PTGER3: variants seen among roughly 807,000 people sequenced by gnomAD.
The protein encoded by PTGER3 is prostaglandin E receptor 3, also known as prostaglandin E2 receptor EP3 subtype.
In PTGER3, 22 loss-of-function variants were observed where a neutral mutation model predicts 34.7. The ratio of observed to expected loss-of-function variants is 0.63; its 90% CI spans 0.45 to 0.91. The LOEUF (loss-of-function observed/expected upper bound fraction) is 0.91, where lower values mean the gene tolerates loss of function less well. Among genes scored for constraint, PTGER3 ranks in the 40% least tolerant of loss-of-function variants. PTGER3 has a pLI of 0.00. For missense variants in PTGER3, 468 were observed against 519.4 expected, an observed-to-expected ratio of 0.90 and a Z score of 0.96; for synonymous variants, 241 against 230.1, an observed-to-expected ratio of 1.05 and a Z score of -0.43.
At chr1:70,968,065 C>A (rs891820004), downstream of PTGER3, among the ~76,000 whole-genome samples, 2 of 152,114 alleles carry the variant, frequency 1.3e-5, no homozygotes, top group African/African-American at 2.4e-5. Flanking sequence ...CCTGGTCCAA[C>A]CTCTCTTGGG....
chr1:70,948,238 G>A (rs1249913213), downstream of PTGER3, among the ~76,000 whole-genome samples: 1 of 152,104 alleles, frequency 6.6e-6, no homozygotes, highest in Non-Finnish European at 1.5e-5. Flanking sequence ...GACCCAGTGG[G>A]AGGTAATTGA....
intron 2 of PTGER3, among the ~76,000 whole-genome samples, chr1:70,996,286 G>T (rs1158931665): frequency 1.3e-5 from 2 of 151,568 alleles, no homozygotes; most frequent in Non-Finnish European, 2.9e-5. Context: ...TAGTAATTAG[G>T]CTTGACTTAC....
chr1:70,995,147 C>A (rs762073154), intron 2 of PTGER3, among the ~76,000 whole-genome samples: 2 of 152,126 alleles, frequency 1.3e-5, no homozygotes, highest in Non-Finnish European at 2.9e-5. Flanking sequence ...GGGTAGGTGT[C>A]ATTTGAGCTG....
chr1:70,939,203 A>G (rs1649527251), intron 4 of PTGER3, among the ~76,000 whole-genome samples: 1 of 152,130 alleles, frequency 6.6e-6, no homozygotes, highest in Admixed American at 6.5e-5. Flanking sequence ...CTCCAAAATG[A>G]TCTCCTTTGT....
At chr1:70,865,453 A>G (rs1453284683) in intron 4 of PTGER3, among the ~76,000 whole-genome samples, 1 of 152,180 alleles carries the variant, frequency 6.6e-6, no homozygotes, top group African/African-American at 2.4e-5. Context: ...AACAGTGGAC[A>G]CAGAAAGGAT....
intron 2 of PTGER3, among the ~76,000 whole-genome samples, chr1:70,964,758 C>T (rs931104027): frequency 7.2e-5 from 11 of 152,148 alleles, no homozygotes; most frequent in African/African-American, 2.7e-4. Flanking sequence ...AGGATGGTTT[C>T]AGTCTTGAAT....
intron 4 of PTGER3, among the ~76,000 whole-genome samples, chr1:70,903,390 T>C (rs549191924): frequency 2.6e-5 from 4 of 152,344 alleles, no homozygotes. Flanking sequence ...ATAAGTGAGA[T>C]AGTAATGACT....
intron 4 of PTGER3, among the ~76,000 whole-genome samples, chr1:70,871,754 A>G (rs1280849514): frequency 1.3e-5 from 2 of 152,222 alleles, no homozygotes; most frequent in African/African-American, 4.8e-5. Context: ...ATGCAGAAAT[A>G]TCAACCTTCC....
intron 4 of PTGER3, among the ~76,000 whole-genome samples, chr1:70,934,660 T>C (rs1649035346): frequency 6.6e-6 from 1 of 152,170 alleles, no homozygotes; most frequent in Non-Finnish European, 1.5e-5. Context: ...CATTGATACA[T>C]AAATACAGGC....
chr1:70,958,816 T>A (rs1185715543), intron 2 of PTGER3, among the ~76,000 whole-genome samples: 2 of 152,188 alleles, frequency 1.3e-5, no homozygotes, highest in Non-Finnish European at 2.9e-5. Context: ...TTGGATCTTA[T>A]GTTTGAGTCT....
At chr1:70,937,704 C>T (rs1332102247) in intron 4 of PTGER3, among the ~76,000 whole-genome samples, 2 of 152,014 alleles carry the variant, frequency 1.3e-5, no homozygotes, top group African/African-American at 4.8e-5. Flanking sequence ...CTCTCTATAT[C>T]CCTTTTAAAA....
chr1:70,986,481 C>T (rs944495645), intron 2 of PTGER3, among the ~76,000 whole-genome samples: 13 of 152,016 alleles, frequency 8.6e-5, no homozygotes, highest in African/African-American at 2.9e-4. Flanking sequence ...AGTGGCTGTG[C>T]CTCAAGGGTC....
chr1:71,017,900 G>A (rs544735969), intron 1 of PTGER3, among the ~76,000 whole-genome samples: 4 of 152,272 alleles, frequency 2.6e-5, no homozygotes, highest in Admixed American at 2.6e-4. Context: ...AAGTAGCTGG[G>A]ATCACAGGCA....
intron 4 of PTGER3, among the ~76,000 whole-genome samples, chr1:70,932,309 T>A (rs570178415): frequency 6.6e-6 from 1 of 152,302 alleles, no homozygotes; most frequent in Admixed American, 6.5e-5. Flanking sequence ...CATTTTCCTG[T>A]CTTCTGAGCC....
chr1:70,888,516 G>T (rs1572557620), intron 4 of PTGER3, among the ~76,000 whole-genome samples: 1 of 138,024 alleles, frequency 7.2e-6, no homozygotes, highest in African/African-American at 3.1e-5. Flanking sequence ...GTGTGTGTTT[G>T]TTAAGAGCCC....
At chr1:71,008,309 A>G in intron 2 of PTGER3, 1 of 873,376 alleles carries the variant, frequency 1.1e-6, no homozygotes, top group Non-Finnish European at 1.4e-6. Context: ...ATAAATAAAT[A>G]TAATACATAT....
intron 1 of PTGER3, among the ~76,000 whole-genome samples, chr1:71,017,568 C>T (rs1219994754): frequency 6.6e-6 from 1 of 152,132 alleles, no homozygotes; most frequent in Non-Finnish European, 1.5e-5. Flanking sequence ...GTGACTGGAT[C>T]ATGGGGGCAG....
At chr1:70,869,044 T>C (rs1331016452) in intron 4 of PTGER3, among the ~76,000 whole-genome samples, 1 of 152,162 alleles carries the variant, frequency 6.6e-6, no homozygotes. Context: ...AACCTCTTTT[T>C]TTAAATAAAT....
In PTGER3 at chr1:70,867,186, G is replaced by A. The variant is rs116438046; in HGVS notation, c.*24-14327C>T. On this transcript the variant is annotated intron_variant, in intron 4 of 4. Transcript: ENST00000370931. The stretch of plus-strand genomic sequence containing the variant: ...CAAATTCCCTTCTCCACCTCTAAGA[G>A]TTCTAACTTGTCATGCAAGGCTTTT... 7.0e-3 allele frequency among the ~76,000 whole-genome samples: 1,059 copies of A among 152,300 alleles called. 6 individuals carry two copies. The highest frequency in any genetic ancestry group is 0.011 in the Admixed American group (168 of 15,296).
Sources: gnomAD v4.1 joint callset for allele counts (sites outside exome capture counted in the v4.1 genomes callset) on GRCh38, gnomAD v4.1.1 for gene constraint, MANE v1.5 for transcripts, NCBI Gene and HGNC (gene_info 2026-07-23, HGNC 2026-07-21) for gene names.